The following PIP4K2A variants were observed in gnomAD, a reference collection of about 807,000 sequenced individuals.
PIP4K2A encodes phosphatidylinositol 5-phosphate 4-kinase type-2 alpha.
In PIP4K2A, 14 loss-of-function variants were observed where a neutral mutation model predicts 42.9. The ratio of observed to expected loss-of-function variants is 0.33; its 90% CI spans 0.22 to 0.51. The LOEUF (loss-of-function observed/expected upper bound fraction) is 0.51. Among genes scored for constraint, PIP4K2A ranks in the 20% least tolerant of loss-of-function variants. The probability of loss-of-function intolerance (pLI) is 0.97; values close to 1 mark genes in which losing one functional copy is unlikely to be tolerated. For missense variants in PIP4K2A, 434 were observed against 519.8 expected (o/e 0.83, Z 1.61); for synonymous variants, 192 against 192.2 (o/e 1.00, Z 0.01).
intron 3 of PIP4K2A, among the ~76,000 whole-genome samples, chr10:22,597,267 C>T (rs981695343): frequency 1.3e-5 from 2 of 152,138 alleles, no homozygotes; most frequent in African/African-American, 4.8e-5. Flanking sequence ...TGCTGCTGAG[C>T]CCTGGGCCCA....
chr10:22,544,239 G>A (rs185157644), intron 7 of PIP4K2A, among the ~76,000 whole-genome samples: 5 of 152,110 alleles, frequency 3.3e-5, no homozygotes, highest in Non-Finnish European at 5.9e-5. Context: ...AATGACCTGT[G>A]GGCCTGGGGT....
intron 1 of PIP4K2A, among the ~76,000 whole-genome samples, chr10:22,670,614 G>A (rs1017499326): frequency 3.9e-5 from 6 of 151,960 alleles, no homozygotes; most frequent in East Asian, 3.8e-4. Context: ...CACCCATATC[G>A]TCTGCATTTT....
At chr10:22,661,867 G>A (rs368207262) in intron 1 of PIP4K2A, 5 of 152,226 alleles carry the variant, frequency 3.3e-5, no homozygotes, top group African/African-American at 9.7e-5. Context: ...AAGGACCAGA[G>A]AGAAGAGGCT....
At position 22,536,829 on chromosome 10, in the gene PIP4K2A, C is replaced by CTCACTGG. The variant is rs551075555; in HGVS notation, c.*371_*372insCCAGTGA. 1 of 159,336 alleles carries CTCACTGG rather than the reference C, an allele frequency of 6.3e-6. No individual in the cohort carries two copies. The highest frequency in any genetic ancestry group is 2.6e-5 in the African/African-American group (1 of 37,884). The allele number at this position is 159,336 out of a possible 1,614,324, so 9.9% of individuals were successfully genotyped here. On this transcript the variant is annotated 3_prime_UTR_variant, in exon 10 of 10. Transcript: ENST00000376573. Reference sequence around the variant, plus strand: ...CCCCACACGTGTGTTCATTCACTCACTCACTCACTCACTCATTCATTCGGC... The same window carrying CTCACTGG: ...CCCCACACGTGTGTTCATTCACTCACTCACTGGTCACTCACTCACTCATTCATTCGGC...
intron 9 of PIP4K2A, 38 bp downstream of exon 9, chr10:22,539,933 G>C (rs747103694): frequency 9.3e-7 from 1 of 1,070,594 alleles, no homozygotes; most frequent in South Asian, 1.3e-5. Flanking sequence ...GAGAGAGAGG[G>C]AGAGAAAGAG....
At chr10:22,624,781 C>A (rs911578868) in intron 1 of PIP4K2A, among the ~76,000 whole-genome samples, 4 of 152,176 alleles carry the variant, frequency 2.6e-5, no homozygotes, top group Admixed American at 1.3e-4. Context: ...GAAACCAAAG[C>A]TTTGAAAGAG....
intron 7 of PIP4K2A, among the ~76,000 whole-genome samples, chr10:22,542,265 C>T (rs1836140512): frequency 6.6e-6 from 1 of 150,458 alleles, no homozygotes; most frequent in Non-Finnish European, 1.5e-5. Flanking sequence ...GGCTGTTTAC[C>T]CTGGAATGCC....
At chr10:22,650,244 GTT>G (rs964413810) in intron 1 of PIP4K2A, among the ~76,000 whole-genome samples, 1 of 152,060 alleles carries the variant, frequency 6.6e-6, no homozygotes, top group Non-Finnish European at 1.5e-5. Flanking sequence ...ATCACTTACC[GTT>G]TTTTAGCCTC....
rs773801857 is a variant in PIP4K2A, at chr10:22,591,791, TG to T, written c.340-11del. ...TCCTGGTCAGGGAATTCTTCCCGGGTGGGGTAAGAGGGGAAGGAAGGCGGGG... is the reference window on the plus strand; with the variant it reads ...TCCTGGTCAGGGAATTCTTCCCGGGTGGGTAAGAGGGGAAGGAAGGCGGGG... On this transcript the variant is annotated splice_polypyrimidine_tract_variant and intron_variant, in intron 3 of 9. Transcript: ENST00000376573. 159 of 1,602,220 alleles carry T rather than the reference TG, an allele frequency of 9.9e-5. 1 individual carries two copies. The highest frequency in any genetic ancestry group is 1.2e-4 in the Non-Finnish European group (144 of 1,173,478).
intron 6 of PIP4K2A, among the ~76,000 whole-genome samples, chr10:22,567,305 G>C (rs769168778): frequency 2.0e-5 from 3 of 152,096 alleles, no homozygotes; most frequent in African/African-American, 4.8e-5. Context: ...GGTCCAATAA[G>C]CCAGGAAAAG....
At chr10:22,555,416 C>T (rs1166832988) in intron 6 of PIP4K2A, among the ~76,000 whole-genome samples, 1 of 152,160 alleles carries the variant, frequency 6.6e-6, no homozygotes, top group Non-Finnish European at 1.5e-5. Flanking sequence ...TATATACAAA[C>T]GTCGTTATAT....
At chr10:22,713,726 G>A (rs1425680239) in intron 1 of PIP4K2A, among the ~76,000 whole-genome samples, 1 of 152,048 alleles carries the variant, frequency 6.6e-6, no homozygotes, top group Non-Finnish European at 1.5e-5. Context: ...CCCGGGACAG[G>A]TACACCTGCC....
At chr10:22,539,866 C>G (rs1206083597) in intron 9 of PIP4K2A, 105 bp downstream of exon 9, 1 of 758,038 alleles carries the variant, frequency 1.3e-6, no homozygotes, top group Non-Finnish European at 2.4e-6. Context: ...CCCTGAGTTA[C>G]AGGTCACACA....
chr10:22,600,209 C>G (rs1435612256), intron 3 of PIP4K2A, among the ~76,000 whole-genome samples: 1 of 147,454 alleles, frequency 6.8e-6, no homozygotes, highest in Non-Finnish European at 1.5e-5. Context: ...TTTTTTTTTT[C>G]CATTTTGATG....
chr10:22,678,411 C>T (rs192395717), intron 1 of PIP4K2A, among the ~76,000 whole-genome samples: 1 of 152,084 alleles, frequency 6.6e-6, no homozygotes, highest in East Asian at 1.9e-4. Flanking sequence ...GAATGAACAC[C>T]GGCATACTTT....
chr10:22,572,121 G>C (rs1451205222), intron 5 of PIP4K2A, among the ~76,000 whole-genome samples: 1 of 152,142 alleles, frequency 6.6e-6, no homozygotes, highest in Admixed American at 6.5e-5. Context: ...AAAGCGTTGA[G>C]ACCAAAAAAC....
chr10:22,550,076 C>T (rs1275824732), intron 7 of PIP4K2A, among the ~76,000 whole-genome samples: 2 of 152,098 alleles, frequency 1.3e-5, no homozygotes, highest in African/African-American at 4.8e-5. Context: ...TGTTCTATGT[C>T]TCTCCACTGT....
intron 1 of PIP4K2A, chr10:22,691,664 A>G (rs1839871422): frequency 6.6e-6 from 1 of 152,192 alleles, no homozygotes; most frequent in Non-Finnish European, 1.5e-5. Flanking sequence ...GTCATTTGCT[A>G]TGTTTCCAGG....
At chr10:22,624,653 GGT>G (rs1180332323) in intron 1 of PIP4K2A, among the ~76,000 whole-genome samples, 1 of 152,054 alleles carries the variant, frequency 6.6e-6, no homozygotes, top group Non-Finnish European at 1.5e-5. Context: ...AGGGGTCAGA[GGT>G]GCTTCTCAGT....
Sources: allele counts gnomAD v4.1 joint callset (sites outside exome capture counted in the v4.1 genomes callset), GRCh38; gene constraint gnomAD v4.1.1; transcripts MANE v1.5; gene names NCBI Gene and HGNC (gene_info 2026-07-23, HGNC 2026-07-21).